Variants in ZMYM2 observed in about 807,000 individuals in gnomAD.
ZMYM2 encodes the protein zinc finger MYM-type protein 2.
In ZMYM2, 56 loss-of-function variants were observed where a neutral mutation model predicts 162.8. The ratio of observed to expected loss-of-function variants is 0.34; its 90% CI spans 0.28 to 0.43. The LOEUF is 0.43. Ranked by LOEUF, ZMYM2 falls within the 20% of genes least tolerant of loss-of-function variation. The pLI is 1.00. For synonymous variants in ZMYM2, 510 were observed against 541.6 expected (o/e 0.94, Z 0.81); for missense variants, 1,275 against 1,621.8 (o/e 0.79, Z 3.67).
At chr13:19,889,470 C>G in the ZMYM2 span, among the ~76,000 whole-genome samples, 1 of 151,922 alleles carries the variant, frequency 6.6e-6, no homozygotes, top group East Asian at 1.9e-4. Context: ...CAGGCTCCCG[C>G]CACCACACCT....
Position 20,062,932 on chromosome 13 carries a change from T to G in ZMYM2, c.2998T>G (p.Tyr1000Asp). ...ETQSSMPDVPYEPDLDIEIDF... is the reference protein window; with the variant it reads ...ETQSSMPDVPDEPDLDIEIDF... ...ACAGTCCAGCATGCCTGATGTACCA[T>G]ATGAACCAGATTTGGATATCGAAAT... is the stretch of plus-strand genomic sequence containing the variant. The change falls in exon 18 of 25, where the codon TAT (tyrosine) becomes GAT (aspartate). Residue 1000 changes from tyrosine to aspartate, a missense_variant. This residue lies in a region of ZMYM2 where 229 missense variants were observed against 283.8 expected (regional missense o/e 0.81). Coordinates refer to ENST00000610343, the MANE Select transcript of ZMYM2 (RefSeq NM_197968.4). The G allele has an allele frequency of 6.2e-7, 1 of 1,604,734 alleles. No homozygotes were observed. Among genetic ancestry groups the G allele is most frequent in the Non-Finnish European group, 8.5e-7 (1 of 1,174,858 alleles).
At chr13:20,025,035 G>T (rs1269195134) in intron 7 of ZMYM2, 2 of 213,442 alleles carry the variant, frequency 9.4e-6, no homozygotes, top group Non-Finnish European at 1.9e-5. Flanking sequence ...TCTTGATGTT[G>T]ATTGTATTTT....
the ZMYM2 span, among the ~76,000 whole-genome samples, chr13:19,907,922 G>A: frequency 6.6e-6 from 1 of 152,118 alleles, no homozygotes; most frequent in Admixed American, 6.6e-5. Context: ...CTTGTTTCAT[G>A]GGTAAACTCC....
chr13:20,015,058 GACTT>G (rs751090632), intron 6 of ZMYM2, among the ~76,000 whole-genome samples: 7 of 152,012 alleles, frequency 4.6e-5, no homozygotes, highest in Non-Finnish European at 8.8e-5. Context: ...ACCGTGCCTG[GACTT>G]ACTTTCTTTC....
chr13:20,083,592 G>T, intron 23 of ZMYM2, 64 bp from the exon 24 acceptor site: 1 of 1,262,912 alleles, frequency 7.9e-7, no homozygotes, highest in South Asian at 1.4e-5. Context: ...CAGACACTAG[G>T]AGTGATGTTT....
the ZMYM2 span, among the ~76,000 whole-genome samples, chr13:19,941,307 A>G: frequency 6.8e-6 from 1 of 147,226 alleles, no homozygotes; most frequent in Non-Finnish European, 1.5e-5. Flanking sequence ...AAAACAGAAC[A>G]AACAAACAAA....
chr13:19,879,365 C>T, the ZMYM2 span, among the ~76,000 whole-genome samples: 5 of 152,112 alleles, frequency 3.3e-5, no homozygotes, highest in Non-Finnish European at 5.9e-5. Context: ...TGCTTGAACT[C>T]AGGAATTTGA....
At chr13:20,076,321 C>T (rs1282549258) in intron 21 of ZMYM2, among the ~76,000 whole-genome samples, 2 of 150,478 alleles carry the variant, frequency 1.3e-5, no homozygotes, top group African/African-American at 5.0e-5. Context: ...TCCTCTGCTC[C>T]CCTCCTGCCC....
intron 2 of ZMYM2, among the ~76,000 whole-genome samples, chr13:19,972,298 A>G (rs750734701): frequency 6.6e-6 from 1 of 152,204 alleles, no homozygotes; most frequent in East Asian, 1.9e-4. Context: ...ATTGTAAGCA[A>G]TGTGAATACA....
chr13:19,975,874 A>ATGTG (rs1956739738), intron 2 of ZMYM2, among the ~76,000 whole-genome samples: 1 of 126,420 alleles, frequency 7.9e-6, no homozygotes, highest in African/African-American at 3.6e-5. Flanking sequence ...GTATGTATGT[A>ATGTG]TGTATGTATG....
At chr13:19,884,837 G>C in the ZMYM2 span, among the ~76,000 whole-genome samples, 50 of 152,098 alleles carry the variant, frequency 3.3e-4, no homozygotes, top group African/African-American at 1.1e-3. Flanking sequence ...AGCAGTAAAA[G>C]AAAACCTGAG....
At chr13:19,966,127 T>TTTTTGTTTTG (rs201021332) in intron 2 of ZMYM2, among the ~76,000 whole-genome samples, 12 of 147,394 alleles carry the variant, frequency 8.1e-5, no homozygotes, top group Admixed American at 2.0e-4. Context: ...TTTTTTTTTG[T>TTTTTGTTTTG]TTTTGTTTTG....
At chr13:19,961,237 T>A (rs1045467897) in intron 2 of ZMYM2, among the ~76,000 whole-genome samples, 1 of 152,176 alleles carries the variant, frequency 6.6e-6, no homozygotes, top group African/African-American at 2.4e-5. Flanking sequence ...CCACACTAGT[T>A]TTTAACATGT....
chr13:20,065,611 C>A (rs1956614408), intron 19 of ZMYM2, among the ~76,000 whole-genome samples: 1 of 152,034 alleles, frequency 6.6e-6, no homozygotes, highest in Non-Finnish European at 1.5e-5. Context: ...TGAGACCAGC[C>A]TGGGCAACAT....
chr13:19,878,850 C>T, the ZMYM2 span, among the ~76,000 whole-genome samples: 2 of 152,098 alleles, frequency 1.3e-5, no homozygotes, highest in Non-Finnish European at 2.9e-5. Flanking sequence ...TGTTTCTTTG[C>T]TGTTGAATTT....
chr13:19,960,108 CGTT>C (rs1566152818), intron 2 of ZMYM2, 82 bp downstream of exon 2: 1 of 152,200 alleles, frequency 6.6e-6, no homozygotes, highest in Non-Finnish European at 1.5e-5. Flanking sequence ...TGGCCCTCCC[CGTT>C]GTTTTGAGGG....
chr13:19,967,335 A>G (rs1196022019), intron 2 of ZMYM2, among the ~76,000 whole-genome samples: 3 of 152,168 alleles, frequency 2.0e-5, no homozygotes, highest in Admixed American at 6.5e-5. Flanking sequence ...TGGAAAGGGA[A>G]CTAGTGAGTA....
At chr13:19,910,297 G>T in the ZMYM2 span, among the ~76,000 whole-genome samples, 1 of 152,102 alleles carries the variant, frequency 6.6e-6, no homozygotes, top group Non-Finnish European at 1.5e-5. Context: ...TGCATTTAGT[G>T]TTGCAGCTTT....
chr13:19,957,847 G>A (rs565594837), upstream of ZMYM2, among the ~76,000 whole-genome samples: 3 of 152,376 alleles, frequency 2.0e-5, no homozygotes, highest in Admixed American at 1.3e-4. Flanking sequence ...GGTTGATGGA[G>A]GCGGGGAGCT....
Sources: allele counts gnomAD v4.1 joint callset (sites outside exome capture counted in the v4.1 genomes callset), GRCh38; gene constraint gnomAD v4.1.1; regional missense constraint gnomAD v4.1.1; transcripts MANE v1.5; gene names NCBI Gene and HGNC (gene_info 2026-07-23, HGNC 2026-07-21).